PTPRK: variants seen among roughly 807,000 people sequenced by gnomAD.
The protein encoded by PTPRK is protein tyrosine phosphatase receptor type K, also known as receptor-type tyrosine-protein phosphatase kappa.
Under a neutral mutation model 178.0 loss-of-function variants are expected in PTPRK, and 75 were observed. The observed-to-expected ratio is 0.42, with a 90% confidence interval of 0.35 to 0.51. PTPRK has a LOEUF of 0.51. Ranked by LOEUF, PTPRK falls within the 20% of genes least tolerant of loss-of-function variation. The pLI is 0.02. For synonymous variants in PTPRK, 637 were observed against 620.6 expected (o/e 1.03, Z -0.39); for missense variants, 1,441 against 1,797.8 (o/e 0.80, Z 3.59).
At chr6:128,051,053 T>A (rs1778919588) in intron 13 of PTPRK, among the ~76,000 whole-genome samples, 1 of 152,204 alleles carries the variant, frequency 6.6e-6, no homozygotes. Flanking sequence ...AAATGGATAA[T>A]CTAATACACT....
intron 2 of PTPRK, among the ~76,000 whole-genome samples, chr6:128,323,937 G>A (rs895217646): frequency 2.0e-5 from 3 of 151,750 alleles, no homozygotes; most frequent in African/African-American, 7.3e-5. Context: ...TTTTTAAAAA[G>A]GATATCCTGG....
At chr6:128,284,310 T>C (rs1269036878) in intron 3 of PTPRK, among the ~76,000 whole-genome samples, 1 of 152,202 alleles carries the variant, frequency 6.6e-6, no homozygotes, top group Non-Finnish European at 1.5e-5. Context: ...TTTTCCACAT[T>C]ATGTAGATTT....
At position 128,218,901 on chromosome 6, in the gene PTPRK, GTGA is replaced by G; in HGVS notation, c.868+18_868+20del. On this transcript the variant is annotated intron_variant, in intron 6 of 29. Coordinates refer to ENST00000368226, the MANE Select transcript of PTPRK (RefSeq NM_002844.4). ...TAATAAAGCCATGCAATTTCGTGAA[GTGA>G]AAACAATTTCACCTTACCTCTCACA... 3 of 1,589,608 alleles carry G rather than the reference GTGA, an allele frequency of 1.9e-6. No homozygotes were observed. The highest frequency in any genetic ancestry group is 2.6e-6 in the Non-Finnish European group (3 of 1,164,076).
chr6:128,341,528 A>G (rs1336994989), intron 2 of PTPRK, among the ~76,000 whole-genome samples: 1 of 152,246 alleles, frequency 6.6e-6, no homozygotes, highest in African/African-American at 2.4e-5. Flanking sequence ...AAGAAAATCC[A>G]TAATTTTAAT....
intron 2 of PTPRK, among the ~76,000 whole-genome samples, chr6:128,394,530 G>A (rs1219387435): frequency 6.6e-6 from 1 of 152,136 alleles, no homozygotes; most frequent in African/African-American, 2.4e-5. Flanking sequence ...TTCTCACTGT[G>A]TTTTAAATAT....
At chr6:128,260,118 T>A (rs1334320939) in intron 3 of PTPRK, among the ~76,000 whole-genome samples, 1 of 152,178 alleles carries the variant, frequency 6.6e-6, no homozygotes, top group Non-Finnish European at 1.5e-5. Context: ...AAATCTTTTT[T>A]TAGACCTATA....
chr6:128,002,564 G>A (rs1052663938), intron 15 of PTPRK, among the ~76,000 whole-genome samples: 6 of 151,820 alleles, frequency 4.0e-5, no homozygotes, highest in African/African-American at 7.3e-5. Context: ...CTGTAAAAGC[G>A]TTAATTGTCA....
intron 1 of PTPRK, among the ~76,000 whole-genome samples, chr6:128,473,924 A>G (rs1851050946): frequency 6.6e-6 from 1 of 152,124 alleles, no homozygotes; most frequent in Non-Finnish European, 1.5e-5. Flanking sequence ...AAACAAAAAC[A>G]AAACCTGACA....
chr6:128,303,281 C>G (rs1322204862), intron 3 of PTPRK, among the ~76,000 whole-genome samples: 6 of 152,174 alleles, frequency 3.9e-5, no homozygotes, highest in African/African-American at 1.4e-4. Flanking sequence ...GCTTCCAAAG[C>G]TGGTCGCCCT....
chr6:128,002,207 A>C (rs1777907247), intron 15 of PTPRK, among the ~76,000 whole-genome samples: 1 of 151,764 alleles, frequency 6.6e-6, no homozygotes, highest in African/African-American at 2.4e-5. Flanking sequence ...GTTGTTCCAA[A>C]ATATTTTAAA....
At chr6:128,446,458 C>T (rs180820130) in intron 1 of PTPRK, among the ~76,000 whole-genome samples, 59 of 152,290 alleles carry the variant, frequency 3.9e-4, no homozygotes, top group South Asian at 1.0e-3. Flanking sequence ...GTCATTCTCA[C>T]TTCAAAATGT....
At chr6:128,493,933 T>C (rs1298683651) in intron 1 of PTPRK, among the ~76,000 whole-genome samples, 1 of 152,220 alleles carries the variant, frequency 6.6e-6, no homozygotes, top group Non-Finnish European at 1.5e-5. Context: ...TACATGTCCA[T>C]TTCTCCAAAC....
At chr6:128,073,045 C>T (rs1783110538) in intron 11 of PTPRK, among the ~76,000 whole-genome samples, 1 of 152,076 alleles carries the variant, frequency 6.6e-6, no homozygotes, top group Non-Finnish European at 1.5e-5. Flanking sequence ...ACATTACATG[C>T]ACCAACATGG....
At chr6:128,294,107 T>C (rs1429922053) in intron 3 of PTPRK, among the ~76,000 whole-genome samples, 2 of 152,156 alleles carry the variant, frequency 1.3e-5, no homozygotes, top group African/African-American at 2.4e-5. Context: ...ATGTTTATGT[T>C]TGATACATTA....
chr6:128,178,504 G>T (rs1232634756), intron 7 of PTPRK, among the ~76,000 whole-genome samples: 2 of 151,680 alleles, frequency 1.3e-5, no homozygotes, highest in African/African-American at 4.8e-5. Context: ...AATAAGAAAA[G>T]TAATTCAAAC....
At chr6:128,219,235 A>G (rs1345326736) in intron 5 of PTPRK, 139 bp from the exon 6 acceptor site, 6 of 787,762 alleles carry the variant, frequency 7.6e-6, no homozygotes, top group Non-Finnish European at 1.2e-5. Flanking sequence ...AATCAGGAAA[A>G]GAATGTAAGT....
Position 127,976,958 on chromosome 6 carries a change from A to G in PTPRK, c.3808T>C (p.Ser1270Pro). The G allele has an allele frequency of 6.2e-7, 1 of 1,614,120 alleles. No homozygotes were observed. Among genetic ancestry groups the G allele is most frequent in the Non-Finnish European group, 8.5e-7 (1 of 1,179,998 alleles). Residue 1270 changes from serine (S) to proline (P), a missense_variant, in exon 26 of 30, where the codon TCC becomes CCC. By Grantham distance (74) the Ser-to-Pro change is moderately conservative (BLOSUM62 -1). Transcript: ENST00000368226. ...WRLVYDYGCT[S>P]IVMLNEVDLS... ...TCGACTTCGTTTAACATCACAATGG[A>G]GGTACAGCCATAATCATACACTAAT...
At chr6:128,203,637 A>G (rs1223458689) in intron 6 of PTPRK, among the ~76,000 whole-genome samples, 2 of 152,208 alleles carry the variant, frequency 1.3e-5, no homozygotes, top group Non-Finnish European at 2.9e-5. Flanking sequence ...ACAAGAGGCA[A>G]GCACAGAGCC....
In PTPRK at chr6:127,981,243, A is replaced by C. The variant is rs1775307172; in HGVS notation, c.3584T>G (p.Ile1195Arg). The C allele has an allele frequency of 6.2e-7, 1 of 1,613,938 alleles. No individual in the cohort carries two copies. Among genetic ancestry groups the C allele is most frequent in the Admixed American group, 1.7e-5 (1 of 60,006 alleles). Reference sequence around the variant, plus strand: ...GTCATGGTTCCTTGGCAGGCACGCTATACTGCAGTCTTCAGCTTGTAGTCG... The same window carrying C: ...GTCATGGTTCCTTGGCAGGCACGCTCTACTGCAGTCTTCAGCTTGTAGTCG... The part of the protein sequence containing the change: ...TPRLQAEDCS[I>R]ACLPRNHDKN... The change falls in exon 25 of 30, where the codon ATA becomes AGA. Residue 1195 changes from isoleucine (I) to arginine (R), a missense_variant. Ile to Arg is a moderately conservative substitution (Grantham distance 97). Transcript: ENST00000368226.
Sources: gnomAD v4.1 joint callset for allele counts (sites outside exome capture counted in the v4.1 genomes callset) on GRCh38, gnomAD v4.1.1 for gene constraint, MANE v1.5 for transcripts, NCBI Gene and HGNC (gene_info 2026-07-23, HGNC 2026-07-21) for gene names.